KCNQ2: variants seen among roughly 807,000 people sequenced by gnomAD.
KCNQ2 encodes the protein potassium voltage-gated channel subfamily KQT member 2.
In KCNQ2, 14 loss-of-function variants were observed where a neutral mutation model predicts 84.8. The observed-to-expected ratio is 0.17, with a 90% CI of 0.11 to 0.26. The LOEUF (loss-of-function observed/expected upper bound fraction) is 0.26. KCNQ2 is among the 10% of genes least tolerant of loss of function. The pLI, the probability that KCNQ2 is intolerant of heterozygous loss-of-function variation, is 1.00. For missense variants in KCNQ2, 788 were observed against 1,254.0 expected (o/e 0.63, Z 5.61); for synonymous variants, 599 against 554.1 (o/e 1.08, Z -1.14).
chr20:63,423,907 G>A (rs2080549443), intron 11 of KCNQ2: 3 of 520,520 alleles, frequency 5.8e-6, no homozygotes, highest in East Asian at 3.4e-5. Flanking sequence ...GGCGGGGTGG[G>A]GGATCCCCCA....
intron 15 of KCNQ2, among the ~76,000 whole-genome samples, chr20:63,412,784 G>A (rs759989459): frequency 1.3e-5 from 2 of 152,230 alleles, no homozygotes; most frequent in African/African-American, 2.4e-5. Flanking sequence ...TGATAGGCAG[G>A]AGCATGTCCC....
At chr20:63,418,928 G>A (rs1233873390) in intron 12 of KCNQ2, among the ~76,000 whole-genome samples, 1 of 152,230 alleles carries the variant, frequency 6.6e-6, no homozygotes, top group Non-Finnish European at 1.5e-5. Flanking sequence ...AGCCCCACAG[G>A]AGCACGACAC....
intron 11 of KCNQ2, chr20:63,423,798 G>A (rs1367075905): frequency 2.8e-5 from 8 of 283,180 alleles, no homozygotes; most frequent in Non-Finnish European, 5.4e-5. Context: ...AGCCGGCGTC[G>A]ACTCAGGCCA....
chr20:63,413,121 C>T (rs1465799717), intron 15 of KCNQ2, among the ~76,000 whole-genome samples: 1 of 152,168 alleles, frequency 6.6e-6, no homozygotes, highest in Non-Finnish European at 1.5e-5. Flanking sequence ...CACGTGCATA[C>T]AACCACACAC....
In KCNQ2 at chr20:63,444,851, G is replaced by A; in HGVS notation, c.515-17C>T. ...CCATGATGTCTACAAAGCGGGCGTG[G>A]AGCTGGTGAGCTGCTGGGCCGCTCC... On this transcript the variant is annotated splice_polypyrimidine_tract_variant and intron_variant, in intron 3 of 16. Coordinates refer to ENST00000359125, the MANE Select transcript of KCNQ2 (RefSeq NM_172107.4). 1 of 1,572,532 alleles carries A rather than the reference G, an allele frequency of 6.4e-7. No individual in the cohort carries two copies. The highest frequency in any genetic ancestry group is 8.7e-7 in the Non-Finnish European group (1 of 1,154,504).
intron 11 of KCNQ2, 23 bp downstream of exon 11, chr20:63,424,154 G>A (rs1396954368): frequency 6.4e-7 from 1 of 1,554,220 alleles, no homozygotes; most frequent in Non-Finnish European, 8.7e-7. Flanking sequence ...GCAGACACCA[G>A]GGTAGCAGCA....
At chr20:63,471,200 C>G (rs2082205471) in intron 1 of KCNQ2, 1 of 152,342 alleles carries the variant, frequency 6.6e-6, no homozygotes, top group African/African-American at 2.4e-5. Context: ...GGTCCCGGAG[C>G]TCAGCGGGTC....
At chr20:63,433,119 A>T (rs953582634) in intron 8 of KCNQ2, among the ~76,000 whole-genome samples, 1 of 152,216 alleles carries the variant, frequency 6.6e-6, no homozygotes, top group African/African-American at 2.4e-5. Context: ...CCAGGCAACG[A>T]AAATCCCAGC....
At position 63,408,287 on chromosome 20, in the gene KCNQ2, G is replaced by A; in HGVS notation, c.1887+126C>T. The A allele has an allele frequency of 8.4e-7, 1 of 1,197,268 alleles. No homozygotes were observed. The allele number at this position is 1,197,268 out of a possible 1,614,324, so 74.2% of individuals were successfully genotyped here. A position where few individuals can be genotyped will look rare whatever the true frequency, so the allele number is the denominator to read the frequency against. ...CAGAGCAGCTGTCAGTGGTGACAGGGCCATGTAAACCCTAGACTTGAGGAG... is the reference window on the plus strand; with the variant it reads ...CAGAGCAGCTGTCAGTGGTGACAGGACCATGTAAACCCTAGACTTGAGGAG... On this transcript the variant is annotated intron_variant, in intron 16 of 16. Coordinates refer to ENST00000359125, the MANE Select transcript of KCNQ2 (RefSeq NM_172107.4). The surrounding 1 kb of genome is among the most constrained non-coding windows in gnomAD (Gnocchi z 5.0).
intron 8 of KCNQ2, among the ~76,000 whole-genome samples, chr20:63,431,980 G>GGGAAGGCCCCACCCT (rs1568912320): frequency 1.7e-5 from 2 of 115,050 alleles, no homozygotes; most frequent in African/African-American, 3.5e-5. Context: ...GGCCCCACCC[G>GGGAAGGCCCCACCCT]CAGGGAAGGC....
chr20:63,468,104 G>A (rs6011846), intron 1 of KCNQ2, among the ~76,000 whole-genome samples: 17 of 152,292 alleles, frequency 1.1e-4, no homozygotes, highest in African/African-American at 3.6e-4. Flanking sequence ...TATTTGGTGA[G>A]GGGCAGAAAT....
At position 63,445,369 on chromosome 20, in the gene KCNQ2, A is replaced by G; in HGVS notation, c.388-5T>C. On this transcript the variant is annotated splice_polypyrimidine_tract_variant and splice_region_variant and intron_variant, in intron 2 of 16. Transcript: ENST00000359125. ...CACCACGATAGTCACGATTTCCTGC[A>G]GGGGAGGAAAGCTGAGGCCACCTTG... 1 of 1,613,434 alleles carries G rather than the reference A, an allele frequency of 6.2e-7. No individual in the cohort carries two copies. The highest frequency in any genetic ancestry group is 1.1e-5 in the South Asian group (1 of 91,076).
intron 14 of KCNQ2, 43 bp from the exon 15 acceptor site, chr20:63,413,624 C>G (rs755808553): frequency 6.2e-7 from 1 of 1,611,126 alleles, no homozygotes; most frequent in East Asian, 2.2e-5. Flanking sequence ...GGCCAGAGAC[C>G]CCCGGCCACA....
rs1601569905 is a variant in KCNQ2 at position 63,414,190 on chromosome 20, G to C, written c.1529C>G (p.Ala510Gly). 1 of 1,612,434 alleles carries C rather than the reference G, an allele frequency of 6.2e-7. No homozygotes were observed. Among genetic ancestry groups the C allele is most frequent in the African/African-American group, 1.3e-5 (1 of 75,038 alleles). Residue 510 changes from alanine (A) to glycine (G), a missense_variant, in exon 14 of 17, where the codon GCA (alanine) becomes GGA (glycine). Physicochemically the swap from Ala to Gly is moderately conservative, Grantham distance 60 (BLOSUM62 0). Around this residue, in one of 8 missense-constraint regions of KCNQ2, gnomAD observed 202 missense variants for 239.4 expected, o/e 0.84. Coordinates refer to ENST00000359125, the MANE Select transcript of KCNQ2 (RefSeq NM_172107.4). This position sits in a 1 kb window ranked among gnomAD's most constrained non-coding sequence, Gnocchi z 6.6. ...CACAATGTCCTCTCCGGGGAGGCTT[G>C]CTTCTGGGGGGAAGGAGACAGGCCG... Reference protein sequence around the residue: ...GAASRQNSEEASLPGEDIVDD... With the variant: ...GAASRQNSEEGSLPGEDIVDD...
intron 12 of KCNQ2, among the ~76,000 whole-genome samples, chr20:63,419,346 C>T (rs911521137): frequency 2.0e-5 from 3 of 152,238 alleles, no homozygotes; most frequent in African/African-American, 7.2e-5. Flanking sequence ...GCACGGACGC[C>T]TTGCTGGGTT....
intron 4 of KCNQ2, among the ~76,000 whole-genome samples, chr20:63,442,989 C>T (rs1308297558): frequency 1.2e-4 from 1 of 8,022 alleles, no homozygotes. Context: ...ACCACCATTA[C>T]CATCACCATC....
At chr20:63,416,065 G>A (rs905730418) in intron 12 of KCNQ2, among the ~76,000 whole-genome samples, 5 of 152,210 alleles carry the variant, frequency 3.3e-5, no homozygotes, top group African/African-American at 9.6e-5. Context: ...CACCAGGTCC[G>A]TGTCAGAGAA....
chr20:63,430,235 G>C (rs2080752792), intron 9 of KCNQ2, among the ~76,000 whole-genome samples: 1 of 152,182 alleles, frequency 6.6e-6, no homozygotes, highest in Admixed American at 6.5e-5. Context: ...AAGGGGAGGG[G>C]GCGGCCCTGG....
rs150447225 is a variant in KCNQ2 at position 63,465,272 on chromosome 20, A to G, written c.296+6896T>C. ...CCTCCATTTCCCAGACTCCAGACCA[A>G]CCTATTTGCTAAGCAGCATCCTGAG... On this transcript the variant is annotated intron_variant, in intron 1 of 16. Coordinates refer to ENST00000359125, the MANE Select transcript of KCNQ2 (RefSeq NM_172107.4). Among the ~76,000 whole-genome samples, 1,404 of 152,278 alleles carry G rather than the reference A, an allele frequency of 9.2e-3. 85 individuals are homozygous for G. In the South Asian group the frequency reaches 0.17, roughly 19 times the overall value.
Sources: allele counts gnomAD v4.1 joint callset (sites outside exome capture counted in the v4.1 genomes callset), GRCh38; gene constraint gnomAD v4.1.1; regional missense constraint gnomAD v4.1.1; non-coding constraint Gnocchi (gnomAD v3.1); transcripts MANE v1.5; gene names NCBI Gene and HGNC (gene_info 2026-07-23, HGNC 2026-07-21).